Variants in KRABD5 observed in about 807,000 individuals in gnomAD.
KRABD5 encodes the protein KRAB domain-containing protein 5.
the KRABD5 span, among the ~76,000 whole-genome samples, chr16:31,734,535 T>C: frequency 2.6e-5 from 4 of 152,084 alleles, no homozygotes; most frequent in East Asian, 7.7e-4. Context: ...TATAGGCATG[T>C]TACACTGTGA....
the KRABD5 span, among the ~76,000 whole-genome samples, chr16:31,751,457 A>G: frequency 6.6e-6 from 1 of 152,186 alleles, no homozygotes; most frequent in Non-Finnish European, 1.5e-5. Context: ...ATTCAGTATC[A>G]GAACTTGATA....
At chr16:31,724,012 A>ATTTAAAATCATTAAAATGAT in the KRABD5 span, among the ~76,000 whole-genome samples, 1 of 152,208 alleles carries the variant, frequency 6.6e-6, no homozygotes, top group East Asian at 1.9e-4. Flanking sequence ...ATTTAAAATC[A>ATTTAAAATCATTAAAATGAT]TTTAATATAT....
the KRABD5 span, among the ~76,000 whole-genome samples, chr16:31,752,390 G>A: frequency 6.6e-6 from 1 of 152,080 alleles, no homozygotes; most frequent in Non-Finnish European, 1.5e-5. Flanking sequence ...ATACCTCACT[G>A]TTATTATGTG....
the KRABD5 span, chr16:31,759,476 A>G: frequency 2.8e-6 from 4 of 1,412,294 alleles, no homozygotes; most frequent in Non-Finnish European, 3.9e-6. Flanking sequence ...GGTGAAGTTT[A>G]TATGGGTCTA....
the KRABD5 span, among the ~76,000 whole-genome samples, chr16:31,740,941 G>C: frequency 9.2e-5 from 14 of 152,216 alleles, no homozygotes; most frequent in South Asian, 8.3e-4. Context: ...TGAGCATAGT[G>C]CCTAATAGAT....
chr16:31,733,632 G>A, the KRABD5 span: 1 of 455,940 alleles, frequency 2.2e-6, no homozygotes, highest in Non-Finnish European at 4.4e-6. Context: ...CTTTATGTAA[G>A]TGTAATTAAA....
chr16:31,734,491 G>T, the KRABD5 span, among the ~76,000 whole-genome samples: 8 of 152,118 alleles, frequency 5.3e-5, no homozygotes, highest in Non-Finnish European at 1.2e-4. Context: ...ACCTTAAGTG[G>T]TGCTCCTGCT....
chr16:31,757,827 T>C, the KRABD5 span: 1 of 119,318 alleles, frequency 8.4e-6, no homozygotes, highest in African/African-American at 3.8e-5. Flanking sequence ...GATATAAAGA[T>C]AGGTAGGTAG....
At chr16:31,723,257 GGTCTCGCT>G in the KRABD5 span, 1 of 1,612,884 alleles carries the variant, frequency 6.2e-7, no homozygotes, top group East Asian at 2.2e-5. Context: ...TAATAAAACA[GGTCTCGCT>G]GTCTCTAAGC....
At chr16:31,753,792 C>T in the KRABD5 span, 1 of 1,525,152 alleles carries the variant, frequency 6.6e-7, no homozygotes, top group African/African-American at 1.4e-5. Flanking sequence ...TACTCAAGGC[C>T]TCTTAAGAAA....
the KRABD5 span, chr16:31,722,861 G>T: frequency 8.1e-7 from 1 of 1,236,502 alleles, no homozygotes; most frequent in Non-Finnish European, 1.1e-6. Context: ...AATGAATTCA[G>T]ATTCCTGTTT....
chr16:31,718,678 A>G, the KRABD5 span, among the ~76,000 whole-genome samples: 1 of 152,214 alleles, frequency 6.6e-6, no homozygotes, highest in South Asian at 2.1e-4. Context: ...CTGATCAGGT[A>G]TAGGTAATAC....
At chr16:31,740,632 A>T in the KRABD5 span, among the ~76,000 whole-genome samples, 3 of 146,680 alleles carry the variant, frequency 2.0e-5, no homozygotes, top group African/African-American at 5.0e-5. Flanking sequence ...TGCGTCTAAG[A>T]TTTTTTTTTT....
chr16:31,718,094 C>T, the KRABD5 span, among the ~76,000 whole-genome samples: 1 of 152,158 alleles, frequency 6.6e-6, no homozygotes, highest in Non-Finnish European at 1.5e-5. Context: ...ACATTCCCCT[C>T]ATCCTCTTGC....
the KRABD5 span, chr16:31,755,264 G>T: frequency 8.1e-6 from 4 of 494,632 alleles, no homozygotes; most frequent in East Asian, 1.8e-4. Flanking sequence ...AAGTCTTATT[G>T]TCCACCAGAG....
At chr16:31,737,455 C>CA in the KRABD5 span, among the ~76,000 whole-genome samples, 4 of 150,654 alleles carry the variant, frequency 2.7e-5, no homozygotes, top group African/African-American at 9.7e-5. Flanking sequence ...ACAGTAGCTA[C>CA]AAAAAATAAG....
chr16:31,713,951 G>A, the KRABD5 span, among the ~76,000 whole-genome samples: 3 of 152,346 alleles, frequency 2.0e-5, no homozygotes, highest in East Asian at 3.9e-4. Flanking sequence ...TAGGAATGCT[G>A]CTGGGGAAAA....
the KRABD5 span, among the ~76,000 whole-genome samples, chr16:31,737,596 G>T: frequency 6.6e-6 from 1 of 152,022 alleles, no homozygotes; most frequent in Non-Finnish European, 1.5e-5. Context: ...GTGAATTCTT[G>T]GAACCCTTGT....
At chr16:31,735,412 C>A in the KRABD5 span, among the ~76,000 whole-genome samples, 5 of 152,096 alleles carry the variant, frequency 3.3e-5, no homozygotes, top group African/African-American at 1.2e-4. Flanking sequence ...GATTTCCTTT[C>A]TTTTGGATAT....
Sources: gnomAD v4.1 joint callset for allele counts (sites outside exome capture counted in the v4.1 genomes callset) on GRCh38, gnomAD v4.1.1 for gene constraint, MANE v1.5 for transcripts, NCBI Gene and HGNC (gene_info 2026-07-23, HGNC 2026-07-21) for gene names.